EML6: variants seen among roughly 807,000 people sequenced by gnomAD.
The protein encoded by EML6 is echinoderm microtubule-associated protein-like 6.
A neutral mutation model predicts 240.1 loss-of-function variants in EML6; 154 were observed. That is an observed-to-expected ratio of 0.64 (90% CI 0.56 to 0.73). EML6 has a LOEUF of 0.73. EML6 is among the 30% of genes least tolerant of loss of function. EML6 has a pLI of 0.00. For synonymous variants in EML6, 1,148 were observed against 899.0 expected (o/e 1.28, Z -4.95); for missense variants, 2,964 against 2,474.6 (o/e 1.20, Z -4.20).
chr2:54,907,345 A>G (rs911600077), intron 24 of EML6, among the ~76,000 whole-genome samples: 1 of 152,104 alleles, frequency 6.6e-6, no homozygotes, highest in African/African-American at 2.4e-5. Context: ...TATCTCTACT[A>G]AAATTACAAA....
chr2:54,737,541 A>G (rs1056993196), intron 2 of EML6, among the ~76,000 whole-genome samples: 1 of 152,034 alleles, frequency 6.6e-6, no homozygotes, highest in Admixed American at 6.6e-5. Flanking sequence ...TTAATAATGC[A>G]TGTGTTTTAT....
chr2:54,727,912 C>G (rs1682982350), intron 2 of EML6, among the ~76,000 whole-genome samples: 1 of 152,112 alleles, frequency 6.6e-6, no homozygotes, highest in Non-Finnish European at 1.5e-5. Flanking sequence ...ATAATGAACC[C>G]TAATAATAAT....
At chr2:54,751,773 A>T (rs1237737033) in intron 2 of EML6, among the ~76,000 whole-genome samples, 1 of 152,216 alleles carries the variant, frequency 6.6e-6, no homozygotes, top group Non-Finnish European at 1.5e-5. Context: ...TGCTGAATAT[A>T]TAGTGCCATT....
At position 54,914,739 on chromosome 2, in the gene EML6, C is replaced by G. The variant is rs1318936489; in HGVS notation, c.3499-2020C>G. Among the ~76,000 whole-genome samples the G allele has an allele frequency of 2.6e-5, 4 of 152,094 alleles. No homozygotes were observed. The South Asian group carries it at 6.2e-4, about 24-fold the overall frequency. ...ATGTTAGTCCCAATATTATAAGGCC[C>G]TTTGACTGAGCATGAGGGATTTTGG... On this transcript the variant is annotated intron_variant, in intron 25 of 41. Transcript: ENST00000356458.
chr2:54,923,706 G>C (rs1170071075), intron 26 of EML6, among the ~76,000 whole-genome samples: 1 of 151,982 alleles, frequency 6.6e-6, no homozygotes, highest in Non-Finnish European at 1.5e-5. Context: ...TTGACAAAAA[G>C]CTCATGTACC....
chr2:54,793,742 C>G, intron 2 of EML6, among the ~76,000 whole-genome samples: 1 of 152,094 alleles, frequency 6.6e-6, no homozygotes, highest in East Asian at 1.9e-4. Flanking sequence ...TTGTGGACTT[C>G]CAGGAAGCGG....
At chr2:54,902,572 T>C (rs1673115672) in intron 22 of EML6, among the ~76,000 whole-genome samples, 1 of 143,900 alleles carries the variant, frequency 6.9e-6, no homozygotes, top group South Asian at 2.2e-4. Context: ...CTAATTTTTG[T>C]ATTTTTTGTA....
chr2:54,929,667 G>A (rs994735206), intron 28 of EML6, among the ~76,000 whole-genome samples: 1 of 150,376 alleles, frequency 6.6e-6, no homozygotes, highest in South Asian at 2.1e-4. Context: ...ACTATTATGT[G>A]GGGTTTTAGA....
At chr2:54,951,586 A>T (rs1257915708) in intron 30 of EML6, among the ~76,000 whole-genome samples, 1 of 152,150 alleles carries the variant, frequency 6.6e-6, no homozygotes, top group Non-Finnish European at 1.5e-5. Flanking sequence ...TGGTGACTCA[A>T]ATTTTAAAAA....
rs1667941288 is a variant in EML6 at position 54,813,293 on chromosome 2, A to G, written c.259A>G (p.Ile87Val). ...ATGQVGKEPY[I>V]CIWDSYNVQT... ...TGGCCAAGTCGGGAAGGAGCCATATATATGCATATGGGATTCCTATAATGT... is the reference window on the plus strand; with the variant it reads ...TGGCCAAGTCGGGAAGGAGCCATATGTATGCATATGGGATTCCTATAATGT... Residue 87 changes from isoleucine to valine, a missense_variant, in exon 3 of 42, where the codon ATA (isoleucine) becomes GTA (valine). By Grantham distance (29) the Ile-to-Val change is conservative (BLOSUM62 3). Transcript: ENST00000356458. 1.9e-6 allele frequency: 3 copies of G among 1,550,010 alleles called. No homozygotes were observed. Among genetic ancestry groups the G allele is most frequent in the Non-Finnish European group, 2.6e-6 (3 of 1,145,448 alleles).
chr2:54,808,674 C>T (rs897278137), intron 2 of EML6, among the ~76,000 whole-genome samples: 1 of 152,006 alleles, frequency 6.6e-6, no homozygotes, highest in Non-Finnish European at 1.5e-5. Flanking sequence ...AATTTTTTGC[C>T]TCAAGGAATC....
chr2:54,811,311 G>A (rs922533945), intron 2 of EML6, among the ~76,000 whole-genome samples: 1 of 152,184 alleles, frequency 6.6e-6, no homozygotes, highest in Non-Finnish European at 1.5e-5. Flanking sequence ...TTCAAGAGCT[G>A]CCCCTGCCTG....
intron 2 of EML6, among the ~76,000 whole-genome samples, chr2:54,773,128 G>T (rs1668465248): frequency 6.6e-6 from 1 of 152,246 alleles, no homozygotes; most frequent in Non-Finnish European, 1.5e-5. Flanking sequence ...CCTGTGGGCG[G>T]CTGGGTGAGC....
chr2:54,899,872 C>T (rs761230591), intron 22 of EML6, 90 bp downstream of exon 22: 387 of 1,279,778 alleles, frequency 3.0e-4, no homozygotes, highest in Non-Finnish European at 4.0e-4. Flanking sequence ...TTACTGAGGG[C>T]ACGTGTTATA....
intron 2 of EML6, among the ~76,000 whole-genome samples, chr2:54,811,204 T>C (rs1317492347): frequency 6.6e-6 from 1 of 152,152 alleles, no homozygotes; most frequent in Non-Finnish European, 1.5e-5. Flanking sequence ...ATTTCATCAC[T>C]GCTAGGATTA....
At chr2:54,923,367 G>GCACA (rs113101367) in intron 26 of EML6, among the ~76,000 whole-genome samples, 3,732 of 144,334 alleles carry the variant, frequency 0.026, 76 homozygotes, top group Middle Eastern at 0.045. Context: ...CTCACCAAAC[G>GCACA]CACACACACA....
intron 2 of EML6, among the ~76,000 whole-genome samples, chr2:54,729,393 T>A (rs963243363): frequency 6.6e-6 from 1 of 152,234 alleles, no homozygotes; most frequent in Non-Finnish European, 1.5e-5. Flanking sequence ...TTTGTAAGCG[T>A]ATATAAGACT....
At chr2:54,910,288 T>C (rs1025536289) in intron 24 of EML6, among the ~76,000 whole-genome samples, 2 of 152,360 alleles carry the variant, frequency 1.3e-5, no homozygotes, top group East Asian at 3.8e-4. Flanking sequence ...CCTTACAAGA[T>C]TGTTGCCATT....
chr2:54,856,371 A>G (rs1573011106), intron 11 of EML6, among the ~76,000 whole-genome samples: 1 of 152,194 alleles, frequency 6.6e-6, no homozygotes, highest in African/African-American at 2.4e-5. Context: ...GAGGCTCTCC[A>G]TGTTCCACCT....
Sources: allele counts gnomAD v4.1 joint callset (sites outside exome capture counted in the v4.1 genomes callset), GRCh38; gene constraint gnomAD v4.1.1; transcripts MANE v1.5; gene names NCBI Gene and HGNC (gene_info 2026-07-23, HGNC 2026-07-21).